PKHD1L1: variants seen among roughly 807,000 people sequenced by gnomAD.
PKHD1L1 encodes the protein fibrocystin-L.
A neutral mutation model predicts 462.9 loss-of-function variants in PKHD1L1; 434 were observed. That is an observed-to-expected ratio of 0.94 (90% CI 0.87 to 1.02). PKHD1L1 has a LOEUF of 1.02. PKHD1L1 is among the 50% of genes least tolerant of loss of function. PKHD1L1 has a pLI of 0.00. For missense variants in PKHD1L1, 5,202 were observed against 5,096.1 expected (o/e 1.02, Z -0.63); for synonymous variants, 1,781 against 1,750.0 (o/e 1.02, Z -0.44).
intron 20 of PKHD1L1, 137 bp from the exon 21 acceptor site, chr8:109,413,283 AT>A (rs1239907576): frequency 1.7e-6 from 1 of 598,450 alleles, no homozygotes; most frequent in African/African-American, 1.9e-5. Flanking sequence ...GAAATTAATC[AT>A]TTATTTCTCT....
chr8:109,513,757 C>T (rs895263033), intron 71 of PKHD1L1, among the ~76,000 whole-genome samples: 1 of 152,070 alleles, frequency 6.6e-6, no homozygotes, highest in African/African-American at 2.4e-5. Flanking sequence ...GCTCACATTC[C>T]TCATCCAACC....
chr8:109,529,919 C>CA (rs1385083095), intron 77 of PKHD1L1, among the ~76,000 whole-genome samples, 161 bp from the exon 78 acceptor site: 1 of 151,892 alleles, frequency 6.6e-6, no homozygotes, highest in Admixed American at 6.6e-5. Context: ...TAAGTTTCTA[C>CA]AAAAAAACCA....
chr8:109,422,377 T>G (rs1244399883), intron 23 of PKHD1L1, among the ~76,000 whole-genome samples: 1 of 152,210 alleles, frequency 6.6e-6, no homozygotes, highest in African/African-American at 2.4e-5. Context: ...CCATTCCTCC[T>G]GCACTCACTT....
At chr8:109,401,645 TATTTTA>T in intron 14 of PKHD1L1, 57 bp downstream of exon 14, 1 of 818,190 alleles carries the variant, frequency 1.2e-6, no homozygotes, top group African/African-American at 1.8e-5. Flanking sequence ...TTTAAGTTTA[TATTTTA>T]AAATATTTTC....
rs984461642 is a variant in PKHD1L1, at chr8:109,476,751, G to A, written c.8917+84G>A. On this transcript the variant is annotated intron_variant, in intron 52 of 77. Transcript: ENST00000378402. ...AAATTGCTTAATAAGCAAATGTGTTGTGCAGTGCTTAATATATACAGGATC... is the reference window on the plus strand; with the variant it reads ...AAATTGCTTAATAAGCAAATGTGTTATGCAGTGCTTAATATATACAGGATC... 41 of 1,216,690 alleles carry A rather than the reference G, an allele frequency of 3.4e-5. No homozygotes were observed. The African/African-American group carries it at 5.9e-4, about 17-fold the overall frequency. 75.4% of individuals were successfully genotyped at this position (1,216,690 alleles called of 1,614,324 possible).
chr8:109,417,417 T>A (rs1814236047), intron 21 of PKHD1L1, among the ~76,000 whole-genome samples: 1 of 152,172 alleles, frequency 6.6e-6, no homozygotes, highest in South Asian at 2.1e-4. Context: ...TTACATTTGA[T>A]GGAGTTCATG....
chr8:109,375,396 A>C (rs1368604635), intron 2 of PKHD1L1, among the ~76,000 whole-genome samples: 1 of 151,896 alleles, frequency 6.6e-6, no homozygotes, highest in Non-Finnish European at 1.5e-5. Flanking sequence ...CTAGTTAGCC[A>C]TTCGTCTAAT....
At chr8:109,492,983 T>C (rs1818908212) in intron 62 of PKHD1L1, among the ~76,000 whole-genome samples, 1 of 151,682 alleles carries the variant, frequency 6.6e-6, no homozygotes, top group African/African-American at 2.4e-5. Flanking sequence ...CTCCACTGAA[T>C]CTTATGATCC....
intron 14 of PKHD1L1, among the ~76,000 whole-genome samples, chr8:109,402,905 T>C (rs1813347445): frequency 6.6e-6 from 1 of 151,938 alleles, no homozygotes; most frequent in African/African-American, 2.4e-5. Flanking sequence ...TTTCATTCCT[T>C]TTTTATCCTC....
Position 109,454,193 on chromosome 8 carries a change from G to A in PKHD1L1, c.6691G>A (p.Asp2231Asn). 1 of 1,608,302 alleles carries A rather than the reference G, an allele frequency of 6.2e-7. No homozygotes were observed. The highest frequency in any genetic ancestry group is 8.5e-7 in the Non-Finnish European group (1 of 1,177,140). The change falls in exon 44 of 78, where the codon GAC (aspartate) becomes AAC (asparagine). Residue 2231 changes from aspartate to asparagine, a missense_variant. By Grantham distance (23) the Asp-to-Asn change is conservative. Around this residue, in one of 3 missense-constraint regions of PKHD1L1, gnomAD observed 4,497 missense variants for 4,336.8 expected, o/e 1.04. Transcript: ENST00000378402. ...QGGTLIFDEA[D>N]IELQAENILI... is the part of the protein sequence containing the mutation. Reference sequence around the variant, plus strand: ...TGGGACTCTAATATTTGATGAAGCTGACATTGAACTCCAGGCAGAAAATAT... The same window carrying A: ...TGGGACTCTAATATTTGATGAAGCTAACATTGAACTCCAGGCAGAAAATAT...
chr8:109,412,436 G>T, intron 20 of PKHD1L1, 22 bp downstream of exon 20: 1 of 1,562,436 alleles, frequency 6.4e-7, no homozygotes, highest in Non-Finnish European at 8.7e-7. Flanking sequence ...AAAATGATAT[G>T]CTAATTGAAT....
chr8:109,431,868 G>T (rs986668917), intron 27 of PKHD1L1, among the ~76,000 whole-genome samples: 6 of 152,256 alleles, frequency 3.9e-5, no homozygotes, highest in East Asian at 1.9e-4. Flanking sequence ...ACAATTGGTT[G>T]TATGAGTATT....
chr8:109,528,899 C>A (rs1216513454), intron 77 of PKHD1L1, among the ~76,000 whole-genome samples: 1 of 151,898 alleles, frequency 6.6e-6, no homozygotes, highest in Non-Finnish European at 1.5e-5. Context: ...GTATTGTGGG[C>A]AAATTGTAAA....
intron 43 of PKHD1L1, among the ~76,000 whole-genome samples, chr8:109,453,286 G>A (rs1163003056): frequency 6.6e-6 from 1 of 152,096 alleles, no homozygotes; most frequent in Non-Finnish European, 1.5e-5. Context: ...AAAAGTCATC[G>A]AGATTTGTTC....
At chr8:109,504,524 C>G in intron 68 of PKHD1L1, 32 bp downstream of exon 68, 3 of 1,324,190 alleles carry the variant, frequency 2.3e-6, no homozygotes, top group Non-Finnish European at 3.0e-6. Context: ...GTTTTTCTAT[C>G]TTTATAGTTT....
chr8:109,448,657 G>A (rs564054719), intron 39 of PKHD1L1, among the ~76,000 whole-genome samples: 83 of 151,214 alleles, frequency 5.5e-4, no homozygotes, highest in Non-Finnish European at 1.1e-3. Context: ...GACTACAGGC[G>A]CCCGCCACCA....
intron 17 of PKHD1L1, 121 bp downstream of exon 17, chr8:109,406,599 A>G (rs1813550658): frequency 3.4e-6 from 4 of 1,183,782 alleles, no homozygotes; most frequent in Non-Finnish European, 4.5e-6. Flanking sequence ...GCAGAAATTA[A>G]ATGGTTTTTT....
chr8:109,425,324 T>C, intron 24 of PKHD1L1, 92 bp downstream of exon 24: 1 of 804,070 alleles, frequency 1.2e-6, no homozygotes, highest in Non-Finnish European at 1.7e-6. Context: ...TGAGAATTAC[T>C]ACTTATTGAT....
In PKHD1L1 at chr8:109,406,304, T is replaced by A. The variant is rs180733181; in HGVS notation, c.1670-31T>A. On this transcript the variant is annotated intron_variant, in intron 16 of 77. Coordinates refer to ENST00000378402, the MANE Select transcript of PKHD1L1 (RefSeq NM_177531.6). ...TCAGAAAGATTTCAACTTTTCTGTT[T>A]GTTTGTTTGTTTGTTTTAATCCAAT... The A allele has an allele frequency of 8.5e-6, 13 of 1,525,004 alleles. No individual in the cohort carries two copies. In the East Asian group the frequency reaches 3.0e-4, roughly 35 times the overall value. 94.5% of individuals were successfully genotyped at this position (1,525,004 alleles called of 1,614,324 possible). A position where few individuals can be genotyped will look rare whatever the true frequency, so the allele number is the denominator to read the frequency against.
Sources: gnomAD v4.1 joint callset for allele counts (sites outside exome capture counted in the v4.1 genomes callset) on GRCh38, gnomAD v4.1.1 for gene constraint, gnomAD v4.1.1 regional missense constraint, MANE v1.5 for transcripts, NCBI Gene and HGNC (gene_info 2026-07-23, HGNC 2026-07-21) for gene names.